The following SULT1E1 variants were observed in gnomAD, a reference collection of about 807,000 sequenced individuals.
The protein encoded by SULT1E1 is sulfotransferase family 1E member 1, also known as sulfotransferase 1E1.
SULT1E1 carries 36 observed loss-of-function variants against 33.6 expected under a neutral mutation model. The observed-to-expected ratio is 1.07, with a 90% CI of 0.82 to 1.41. SULT1E1 has a LOEUF of 1.41. SULT1E1 is among the 40% of genes most tolerant of loss of function. The pLI is 0.00. For missense variants in SULT1E1, 371 were observed against 345.7 expected (o/e 1.07, Z -0.58); for synonymous variants, 121 against 111.7 (o/e 1.08, Z -0.53).
the SULT1E1 span, among the ~76,000 whole-genome samples, chr4:69,821,973 A>G: frequency 6.6e-6 from 1 of 152,348 alleles, no homozygotes; most frequent in East Asian, 1.9e-4. Flanking sequence ...GTTGTTGTTA[A>G]TTATGTATAG....
chr4:69,854,291 T>A lies in SULT1E1; in HGVS notation c.295A>T (p.Asn99Tyr), dbSNP rs1448400065. The A allele has an allele frequency of 1.9e-6, 3 of 1,609,902 alleles. No homozygotes were observed. In the Admixed American group the frequency reaches 5.0e-5, roughly 27 times the overall value. ...MNGVKQLDEM[N>Y]SPRIVKTHLP... ...TGAGTCTTCACAATTCTAGGAGAAT[T>A]CATCTCATCTAATTGTTTTACTCCT... is the stretch of plus-strand genomic sequence containing the variant. Residue 99 changes from asparagine (N) to tyrosine (Y), a missense_variant, in exon 4 of 8, where the codon AAT (asparagine) becomes TAT (tyrosine). Transcript: ENST00000226444.
the SULT1E1 span, among the ~76,000 whole-genome samples, chr4:69,834,685 C>G: frequency 2.6e-4 from 40 of 152,122 alleles, no homozygotes; most frequent in Non-Finnish European, 5.1e-4. Context: ...GTGTCTATCA[C>G]AGTTGTAGTA....
At chr4:69,837,070 G>A (rs906199334), downstream of SULT1E1, among the ~76,000 whole-genome samples, 17 of 116,602 alleles carry the variant, frequency 1.5e-4, no homozygotes, top group Non-Finnish European at 5.7e-5. Flanking sequence ...ATGACAGAGC[G>A]AGACCCTCCC....
the SULT1E1 span, among the ~76,000 whole-genome samples, chr4:69,831,136 C>T: frequency 1.3e-5 from 2 of 152,170 alleles, no homozygotes. Flanking sequence ...GTTGGCCTCA[C>T]AGATGAACCA....
At chr4:69,850,797 T>C (rs1721084968) in intron 4 of SULT1E1, among the ~76,000 whole-genome samples, 1 of 152,100 alleles carries the variant, frequency 6.6e-6, no homozygotes, top group South Asian at 2.1e-4. Context: ...ATGAGGCTTT[T>C]TATTTTCCCA....
At chr4:69,843,487 A>G (rs1720919605) in intron 7 of SULT1E1, among the ~76,000 whole-genome samples, 1 of 152,100 alleles carries the variant, frequency 6.6e-6, no homozygotes, top group South Asian at 2.1e-4. Flanking sequence ...TCTCACTGAC[A>G]GTATGGTTCA....
At chr4:69,846,305 C>CAAAAAAAA (rs34408656) in intron 6 of SULT1E1, among the ~76,000 whole-genome samples, 45 of 106,944 alleles carry the variant, frequency 4.2e-4, no homozygotes, top group Non-Finnish European at 6.6e-4. Context: ...ACAAAACAAT[C>CAAAAAAAA]AAAAAAAAAA....
chr4:69,835,652 T>G, the SULT1E1 span, among the ~76,000 whole-genome samples: 6 of 152,346 alleles, frequency 3.9e-5, 1 homozygote, highest in South Asian at 1.2e-3. Context: ...TTGATAGGTA[T>G]GATTTCTATA....
chr4:69,852,546 T>C (rs749494624), intron 4 of SULT1E1, among the ~76,000 whole-genome samples: 1 of 152,232 alleles, frequency 6.6e-6, no homozygotes, highest in African/African-American at 2.4e-5. Flanking sequence ...CTCAAATCCG[T>C]TGGCCTCAGT....
chr4:69,851,244 C>T (rs1041274313), intron 4 of SULT1E1, among the ~76,000 whole-genome samples: 6 of 151,978 alleles, frequency 3.9e-5, no homozygotes, highest in African/African-American at 1.5e-4. Flanking sequence ...GGTCTAATAT[C>T]CAGAATATAC....
At chr4:69,852,369 GACTTTTGTAACC>G (rs1721141867) in intron 4 of SULT1E1, among the ~76,000 whole-genome samples, 1 of 152,040 alleles carries the variant, frequency 6.6e-6, no homozygotes. Context: ...TGTTACTTCA[GACTTTTGTAACC>G]ACTTTTGTAA....
chr4:69,852,181 C>T (rs372292631), intron 4 of SULT1E1, among the ~76,000 whole-genome samples: 19 of 152,192 alleles, frequency 1.2e-4, no homozygotes, highest in Middle Eastern at 6.8e-3. Context: ...TATACCTCTC[C>T]TATCTGATGC....
At chr4:69,840,077 G>T (rs1720855622), downstream of SULT1E1, among the ~76,000 whole-genome samples, 1 of 151,878 alleles carries the variant, frequency 6.6e-6, no homozygotes, top group African/African-American at 2.4e-5. Flanking sequence ...TGACTAAATG[G>T]GCACATAAAA....
At chr4:69,844,023 G>T in intron 7 of SULT1E1, 138 bp downstream of exon 7, 1 of 725,028 alleles carries the variant, frequency 1.4e-6, no homozygotes, top group Non-Finnish European at 2.4e-6. Context: ...AACTTAAAGA[G>T]TGTATTCAAA....
At chr4:69,834,750 T>C in the SULT1E1 span, among the ~76,000 whole-genome samples, 3 of 152,194 alleles carry the variant, frequency 2.0e-5, no homozygotes, top group Non-Finnish European at 4.4e-5. Context: ...AGCAGAAAGA[T>C]ATCCTTATTA....
At chr4:69,840,562 A>G (rs2110063827), downstream of SULT1E1, among the ~76,000 whole-genome samples, 1 of 152,312 alleles carries the variant, frequency 6.6e-6, no homozygotes, top group Non-Finnish European at 1.5e-5. Context: ...TTTAAAACTT[A>G]TTTTACAATA....
chr4:69,838,565 CA>C (rs1329302424), downstream of SULT1E1: 1 of 152,128 alleles, frequency 6.6e-6, no homozygotes, highest in Non-Finnish European at 1.5e-5. Context: ...ACCCTGAAGA[CA>C]TTAGACCTAA....
At chr4:69,839,427 A>T (rs746405430), downstream of SULT1E1, among the ~76,000 whole-genome samples, 27 of 152,204 alleles carry the variant, frequency 1.8e-4, no homozygotes, top group Non-Finnish European at 2.8e-4. Context: ...ATGAGTGCAG[A>T]GCTCTCATTA....
chr4:69,856,971 G>C (rs1450879091), intron 2 of SULT1E1, among the ~76,000 whole-genome samples: 1 of 142,444 alleles, frequency 7.0e-6, no homozygotes, highest in Non-Finnish European at 1.5e-5. Flanking sequence ...AGATAACTAA[G>C]GGCATACTTA....
Sources: gnomAD v4.1 joint callset for allele counts (sites outside exome capture counted in the v4.1 genomes callset) on GRCh38, gnomAD v4.1.1 for gene constraint, MANE v1.5 for transcripts, NCBI Gene and HGNC (gene_info 2026-07-23, HGNC 2026-07-21) for gene names.